Variants in NLRP11 observed in about 807,000 individuals in gnomAD.
The protein encoded by NLRP11 is NLR family pyrin domain containing 11, also known as NACHT, LRR and PYD domains-containing protein 11.
Under a neutral mutation model 79.3 loss-of-function variants are expected in NLRP11, and 53 were observed. The ratio of observed to expected loss-of-function variants is 0.67; its 90% CI spans 0.54 to 0.84. The LOEUF is 0.84. Among genes scored for constraint, NLRP11 ranks in the 40% least tolerant of loss-of-function variants. NLRP11 has a pLI of 0.00. For synonymous variants in NLRP11, 518 were observed against 462.6 expected, an observed-to-expected ratio of 1.12 and a Z score of -1.54; for missense variants, 1,264 against 1,255.0, an observed-to-expected ratio of 1.01 and a Z score of -0.11.
At chr19:55,814,036 A>ATGGTGAG (rs1980855167) in intron 2 of NLRP11, among the ~76,000 whole-genome samples, 1 of 152,144 alleles carries the variant, frequency 6.6e-6, no homozygotes, top group African/African-American at 2.4e-5. Context: ...CCCACAGCCG[A>ATGGTGAG]TGGTGAGTGG....
intron 5 of NLRP11, among the ~76,000 whole-genome samples, chr19:55,798,683 T>C (rs1244485019): frequency 6.6e-6 from 1 of 152,112 alleles, no homozygotes; most frequent in Non-Finnish European, 1.5e-5. Context: ...GAGTTAAGTC[T>C]ACCCTTGTAG....
chr19:55,828,440 A>G (rs1291371013), intron 1 of NLRP11, among the ~76,000 whole-genome samples: 2 of 152,158 alleles, frequency 1.3e-5, no homozygotes, highest in African/African-American at 2.4e-5. Flanking sequence ...ATTTTATCAG[A>G]CTGCAAAGTT....
Position 55,809,629 on chromosome 19 carries a change from A to G in NLRP11, c.981T>C (p.His327=), listed in dbSNP as rs771168479. Residue 327 remains histidine (H), a synonymous_variant, in exon 3 of 10, where the codon CAT becomes CAC. Coordinates refer to ENST00000589093, the Ensembl canonical transcript of NLRP11. The surrounding 1 kb of genome is among the most constrained non-coding windows in gnomAD (Gnocchi z 4.5). ...ACAGACCCACGAGTATTTCATCCTC[A>G]TGTACAAGCTGGAGGGCTGCCGACG... The G allele has an allele frequency of 3.1e-6, 5 of 1,614,200 alleles. No homozygotes were observed. In the South Asian group the frequency reaches 5.5e-5, roughly 18 times the overall value.
intron 2 of NLRP11, 21 bp from the exon 3 acceptor site, chr19:55,810,359 C>A: frequency 1.9e-6 from 3 of 1,566,990 alleles, no homozygotes; most frequent in Middle Eastern, 1.7e-4. Context: ...GAGTACAGGG[C>A]AGAAAATACA....
At chr19:55,835,027 A>C (rs1029361568), upstream of NLRP11, among the ~76,000 whole-genome samples, 15 of 152,174 alleles carry the variant, frequency 9.9e-5, no homozygotes, top group African/African-American at 3.6e-4. Context: ...TTATGGGTAC[A>C]TGAGTCTGCA....
At chr19:55,835,107 A>T (rs1300003403), upstream of NLRP11, among the ~76,000 whole-genome samples, 1 of 152,098 alleles carries the variant, frequency 6.6e-6, no homozygotes, top group East Asian at 1.9e-4. Flanking sequence ...GGTTACAGTA[A>T]TTCCTTAAAG....
At position 55,819,134 on chromosome 19, in the gene NLRP11, C is replaced by G. The variant is rs1352740585; in HGVS notation, c.-62-898G>C. 4.0e-3 allele frequency among the ~76,000 whole-genome samples: 127 copies of G among 32,104 alleles called. 1 individual carries two copies. The highest frequency in any genetic ancestry group is 0.03 in the African/African-American group (63 of 2,124). 21.1% of individuals were successfully genotyped at this position (32,104 alleles called of 152,430 possible). ...TACTGAGTGGTATCGCCTACACACA[C>G]ACACACACACACACACACACACACA... On this transcript the variant is annotated intron_variant, in intron 1 of 9. Transcript: ENST00000589093.
At chr19:55,815,478 G>A (rs10410971) in intron 2 of NLRP11, among the ~76,000 whole-genome samples, 1,714 of 143,978 alleles carry the variant, frequency 0.012, 33 homozygotes, top group African/African-American at 0.043. Context: ...GCAGTGAGCC[G>A]AGATTGTTCC....
chr19:55,822,538 G>A (rs1257678602), intron 1 of NLRP11, among the ~76,000 whole-genome samples: 2 of 151,916 alleles, frequency 1.3e-5, no homozygotes, highest in African/African-American at 4.8e-5. Flanking sequence ...GACAGTGGGC[G>A]CAGGTCAGTG....
chr19:55,796,127 T>C (rs762555736), exon 6 of NLRP11: 3 of 1,614,150 alleles, frequency 1.9e-6, no homozygotes, highest in South Asian at 2.2e-5. Context: ...CATCACACAG[T>C]ATGTTCATCC....
chr19:55,821,321 C>A (rs1161236178), intron 1 of NLRP11, among the ~76,000 whole-genome samples: 1 of 151,908 alleles, frequency 6.6e-6, no homozygotes, highest in African/African-American at 2.4e-5. Flanking sequence ...TCACTTGCTG[C>A]TGGGGGAATT....
At chr19:55,788,742 A>C (rs1287300648) in intron 9 of NLRP11, 65 bp downstream of exon 9, 2 of 56,918 alleles carry the variant, frequency 3.5e-5, no homozygotes, top group Admixed American at 4.1e-4. Flanking sequence ...TCTGTCTCTC[A>C]AAAAAAAAAA....
chr19:55,799,913 G>A (rs1979310627), intron 5 of NLRP11, among the ~76,000 whole-genome samples: 1 of 152,158 alleles, frequency 6.6e-6, no homozygotes, highest in Non-Finnish European at 1.5e-5. Context: ...GTTTTAGTGA[G>A]CTGAGATCAC....
At chr19:55,805,329 T>A (rs1033913438) in intron 4 of NLRP11, among the ~76,000 whole-genome samples, 1 of 151,768 alleles carries the variant, frequency 6.6e-6, no homozygotes, top group African/African-American at 2.4e-5. Context: ...GGATTGAGGA[T>A]CCTATGGCAA....
intron 5 of NLRP11, among the ~76,000 whole-genome samples, chr19:55,800,365 C>T (rs983994263): frequency 4.6e-5 from 7 of 152,102 alleles, no homozygotes; most frequent in Admixed American, 6.6e-5. Flanking sequence ...GAACGTGCAG[C>T]GGCGCCATCT....
intron 5 of NLRP11, among the ~76,000 whole-genome samples, chr19:55,799,625 A>T (rs1979278174): frequency 6.6e-6 from 1 of 152,152 alleles, no homozygotes; most frequent in South Asian, 2.1e-4. Flanking sequence ...TTTAGCTGGG[A>T]GAATGTGATA....
In NLRP11 at chr19:55,809,814, T is replaced by C. The variant is rs147166654; in HGVS notation, c.796A>G (p.Lys266Glu). The C allele has an allele frequency of 3.3e-5, 53 of 1,614,220 alleles. No individual in the cohort carries two copies. In the African/African-American group the frequency reaches 5.6e-4, roughly 17 times the overall value. The change falls in exon 3 of 10, where the codon AAA becomes GAA. Residue 266 changes from lysine to glutamate, a missense_variant. Coordinates refer to ENST00000589093, the Ensembl canonical transcript of NLRP11. The surrounding 1 kb of genome is among the most constrained non-coding windows in gnomAD (Gnocchi z 4.5). The stretch of plus-strand genomic sequence containing the variant: ...AGGAACCAGCAGCCTGGAGCCATTT[T>C]TCTCTTCAGCAAACTGACCAGGAGA...
chr19:55,798,735 A>AACACAC (rs141517744), intron 5 of NLRP11, among the ~76,000 whole-genome samples: 202 of 150,406 alleles, frequency 1.3e-3, no homozygotes, highest in African/African-American at 4.3e-3. Flanking sequence ...TTTTGCTTCA[A>AACACAC]ACACACACAC....
chr19:55,813,324 C>T (rs1253290420), intron 2 of NLRP11, among the ~76,000 whole-genome samples: 1 of 152,102 alleles, frequency 6.6e-6, no homozygotes, highest in African/African-American at 2.4e-5. Context: ...TTTTTTAAAG[C>T]AGAGGAAAGT....
Sources: gnomAD v4.1 joint callset for allele counts (sites outside exome capture counted in the v4.1 genomes callset) on GRCh38, gnomAD v4.1.1 for gene constraint, Gnocchi (gnomAD v3.1) non-coding constraint, MANE v1.5 for transcripts, NCBI Gene and HGNC (gene_info 2026-07-23, HGNC 2026-07-21) for gene names.